The following PLCE1 variants were observed in gnomAD, a reference collection of about 807,000 sequenced individuals.
PLCE1 encodes phospholipase C epsilon 1.
In PLCE1, 119 loss-of-function variants were observed where a neutral mutation model predicts 242.8. The observed-to-expected ratio is 0.49, with a 90% CI of 0.42 to 0.57. The LOEUF (loss-of-function observed/expected upper bound fraction) is 0.57. Among genes scored for constraint, PLCE1 ranks in the 20% least tolerant of loss-of-function variants. PLCE1 has a pLI of 0.00. For synonymous variants in PLCE1, 945 were observed against 1,017.4 expected, an observed-to-expected ratio of 0.93 and a Z score of 1.35; for missense variants, 2,441 against 2,788.8, an observed-to-expected ratio of 0.88 and a Z score of 2.81.
chr10:94,137,543 A>G (rs1241609147), intron 3 of PLCE1, among the ~76,000 whole-genome samples: 1 of 152,252 alleles, frequency 6.6e-6, no homozygotes, highest in Non-Finnish European at 1.5e-5. Flanking sequence ...GTACCAGCCA[A>G]CATAATAAAT....
At chr10:94,037,492 C>T (rs188558522) in intron 2 of PLCE1, among the ~76,000 whole-genome samples, 53 of 152,258 alleles carry the variant, frequency 3.5e-4, no homozygotes, top group African/African-American at 1.3e-3. Context: ...ATTAAAATTT[C>T]GTGGGGTGCT....
chr10:94,045,309 TA>T (rs1235208431), intron 2 of PLCE1, among the ~76,000 whole-genome samples: 1 of 152,080 alleles, frequency 6.6e-6, no homozygotes, highest in Non-Finnish European at 1.5e-5. Context: ...TATATATATA[TA>T]TTTTTTGTAG....
chr10:94,133,989 G>A (rs189515778), intron 3 of PLCE1, among the ~76,000 whole-genome samples: 48 of 152,226 alleles, frequency 3.2e-4, no homozygotes, highest in Non-Finnish European at 3.5e-4. Context: ...GCTGAGATTG[G>A]CATGTGGAAT....
rs865846445 is a variant in PLCE1 at position 94,294,572 on chromosome 10, A to G, written c.5167+933A>G. Among the ~76,000 whole-genome samples, 13 of 152,350 alleles carry G rather than the reference A, an allele frequency of 8.5e-5. No homozygotes were observed. In the Middle Eastern group the frequency reaches 0.014, roughly 159 times the overall value. On this transcript the variant is annotated intron_variant, in intron 23 of 32. Coordinates refer to ENST00000371380, the MANE Select transcript of PLCE1 (RefSeq NM_016341.4). ...AATTTTTTCGTTTCCCAGTACATAT[A>G]AAAGTTATGTCTACACTATACCATA... is the stretch of plus-strand genomic sequence containing the variant.
intron 3 of PLCE1, among the ~76,000 whole-genome samples, chr10:94,154,619 A>G (rs1191997717): frequency 6.6e-6 from 1 of 152,134 alleles, no homozygotes; most frequent in African/African-American, 2.4e-5. Flanking sequence ...AGAGAACCCA[A>G]CAACACAATT....
At chr10:94,326,652 T>C (rs991376892) in intron 32 of PLCE1, among the ~76,000 whole-genome samples, 1 of 152,220 alleles carries the variant, frequency 6.6e-6, no homozygotes, top group Admixed American at 6.5e-5. Flanking sequence ...AAAAATAATA[T>C]GCCTACTATA....
Position 94,298,569 on chromosome 10 carries a change from A to G in PLCE1, c.5358A>G (p.Arg1786=), listed in dbSNP as rs368327192. Residue 1786 remains arginine (R), a synonymous_variant, in exon 24 of 33, where the codon AGA becomes AGG. Coordinates refer to ENST00000371380, the MANE Select transcript of PLCE1 (RefSeq NM_016341.4). The surrounding 1 kb of genome is among the most constrained non-coding windows in gnomAD (Gnocchi z 5.2). ...LTQHTACQLL[R]TYPAATRIDS... ...AGCACACCGCCTGTCAGCTGCTGAGAACTTACCCTGCTGCCACCCGCATCG... is the reference window on the plus strand; with the variant it reads ...AGCACACCGCCTGTCAGCTGCTGAGGACTTACCCTGCTGCCACCCGCATCG... The G allele has an allele frequency of 1.2e-6, 2 of 1,613,934 alleles. No homozygotes were observed. The highest frequency in any genetic ancestry group is 2.7e-5 in the African/African-American group (2 of 74,864).
chr10:94,231,907 C>T (rs1417622696), intron 5 of PLCE1, among the ~76,000 whole-genome samples: 1 of 152,232 alleles, frequency 6.6e-6, no homozygotes, highest in Non-Finnish European at 1.5e-5. Flanking sequence ...TGCTGTGCAG[C>T]CCAGTTCCTA....
intron 2 of PLCE1, among the ~76,000 whole-genome samples, chr10:94,035,099 T>C (rs1038412822): frequency 2.4e-4 from 36 of 152,132 alleles, no homozygotes; most frequent in Non-Finnish European, 2.6e-4. Context: ...CAGCACTAGA[T>C]GACTTGCACA....
intron 1 of PLCE1, among the ~76,000 whole-genome samples, chr10:94,024,001 A>C (rs1342943221): frequency 6.6e-6 from 1 of 152,128 alleles, no homozygotes; most frequent in Non-Finnish European, 1.5e-5. Context: ...AATAGTTCAG[A>C]GAAAGGAGGT....
At chr10:94,220,953 T>C (rs1044826201) in intron 4 of PLCE1, among the ~76,000 whole-genome samples, 2 of 152,142 alleles carry the variant, frequency 1.3e-5, no homozygotes, top group Non-Finnish European at 2.9e-5. Context: ...CAGCTTCCCC[T>C]TGTTCCAAAT....
At chr10:94,313,416 A>G in intron 28 of PLCE1, 34 bp downstream of exon 28, 1 of 1,613,296 alleles carries the variant, frequency 6.2e-7, no homozygotes, top group Non-Finnish European at 8.5e-7. Context: ...GGAGAATCCA[A>G]AATCTAAGAT....
intron 2 of PLCE1, among the ~76,000 whole-genome samples, chr10:94,125,295 A>G (rs2046405687): frequency 6.6e-6 from 1 of 152,224 alleles, no homozygotes; most frequent in Non-Finnish European, 1.5e-5. Context: ...GCTTCCTCTG[A>G]CATCTGTAAT....
chr10:94,099,553 T>C (rs1169709593), intron 2 of PLCE1: 4 of 152,248 alleles, frequency 2.6e-5, no homozygotes, highest in African/African-American at 9.6e-5. Flanking sequence ...TTCAGTATTC[T>C]TGTTTATAAG....
rs144448605 is a variant in PLCE1, at chr10:94,289,215, C to T, written c.5035+4250C>T. ...AACCAGTGAACACAGCTTTTCGGAC[C>T]TATAGTGACTGGGTAAGATGAGGCC... On this transcript the variant is annotated intron_variant, in intron 22 of 32. Transcript: ENST00000371380. 2.3e-4 allele frequency among the ~76,000 whole-genome samples: 35 copies of T among 152,198 alleles called. 1 individual carries two copies. The highest frequency in any genetic ancestry group is 1.9e-3 in the East Asian group (10 of 5,170).
chr10:94,216,501 G>A (rs936747087), intron 4 of PLCE1, among the ~76,000 whole-genome samples: 2 of 152,152 alleles, frequency 1.3e-5, no homozygotes, highest in Admixed American at 6.5e-5. Context: ...TGGAGTGAAG[G>A]GGCTGCAGGG....
chr10:94,281,251 C>T (rs1031005411), intron 20 of PLCE1, among the ~76,000 whole-genome samples: 1 of 152,022 alleles, frequency 6.6e-6, no homozygotes, highest in Admixed American at 6.6e-5. Context: ...GTCATATGCC[C>T]CTATAAGTAG....
chr10:94,111,096 A>G (rs147401655), intron 2 of PLCE1, among the ~76,000 whole-genome samples: 1 of 152,306 alleles, frequency 6.6e-6, no homozygotes, highest in African/African-American at 2.4e-5. Flanking sequence ...TCCCTGGGAG[A>G]CTCAGCAAGA....
intron 2 of PLCE1, chr10:94,089,095 A>G: frequency 6.2e-7 from 1 of 1,613,564 alleles, no homozygotes; most frequent in Non-Finnish European, 8.5e-7. Flanking sequence ...GTGGTGATTA[A>G]TGGTTTCAGA....
Sources: allele counts gnomAD v4.1 joint callset (sites outside exome capture counted in the v4.1 genomes callset), GRCh38; gene constraint gnomAD v4.1.1; non-coding constraint Gnocchi (gnomAD v3.1); transcripts MANE v1.5; gene names NCBI Gene and HGNC (gene_info 2026-07-23, HGNC 2026-07-21).